RBFOX1: variants seen among roughly 807,000 people sequenced by gnomAD.
RBFOX1 encodes the protein RNA binding protein fox-1 homolog 1.
RBFOX1 carries 8 observed loss-of-function variants against 57.7 expected under a neutral mutation model. The observed-to-expected ratio is 0.14, with a 90% CI of 0.08 to 0.25. RBFOX1 has a LOEUF of 0.25. RBFOX1 is among the 10% of genes least tolerant of loss of function. The pLI is 1.00. For missense variants in RBFOX1, 611 were observed against 548.5 expected, an observed-to-expected ratio of 1.11 and a Z score of -1.14; for synonymous variants, 326 against 222.4, an observed-to-expected ratio of 1.47 and a Z score of -4.15.
At chr16:6,573,292 G>A (rs1345298) in intron 2 of RBFOX1, among the ~76,000 whole-genome samples, 1 of 151,850 alleles carries the variant, frequency 6.6e-6, no homozygotes, top group East Asian at 1.9e-4. Context: ...AGTCTGCCAG[G>A]GGACGCCATA....
Position 7,132,783 on chromosome 16 carries a change from A to T in RBFOX1, c.27+80685A>T, listed in dbSNP as rs116419984. Among the ~76,000 whole-genome samples the T allele has an allele frequency of 3.6e-3, 548 of 152,042 alleles. 7 individuals are homozygous for T. The highest frequency in any genetic ancestry group is 0.012 in the African/African-American group (506 of 41,454). On this transcript the variant is annotated intron_variant, in intron 4 of 15. Coordinates refer to ENST00000550418, the MANE Select transcript of RBFOX1 (RefSeq NM_018723.4). ...TTATATAGCTATTTCAAATACTGAA[A>T]CTCTTAGAAACAGTGGGCTTATCAA...
At chr16:7,102,655 A>G (rs1298241658) in intron 4 of RBFOX1, among the ~76,000 whole-genome samples, 3 of 152,212 alleles carry the variant, frequency 2.0e-5, no homozygotes, top group Admixed American at 6.5e-5. Flanking sequence ...TCTATTTTCA[A>G]CAGTGAACAT....
chr16:6,789,701 T>G (rs2082576346), intron 3 of RBFOX1, among the ~76,000 whole-genome samples: 1 of 152,184 alleles, frequency 6.6e-6, no homozygotes, highest in African/African-American at 2.4e-5. Context: ...TTGTTTCATT[T>G]TCTCCATGTC....
At chr16:6,841,673 C>A (rs1419915191) in intron 3 of RBFOX1, among the ~76,000 whole-genome samples, 3 of 152,040 alleles carry the variant, frequency 2.0e-5, no homozygotes, top group Admixed American at 6.5e-5. Context: ...AGTGCTTTAG[C>A]CCTCTGTGGA....
At chr16:6,491,080 T>C (rs994570249) in intron 2 of RBFOX1, among the ~76,000 whole-genome samples, 2 of 152,078 alleles carry the variant, frequency 1.3e-5, no homozygotes, top group African/African-American at 4.8e-5. Context: ...TAGTATGCAG[T>C]ACTAAAATTT....
intron 3 of RBFOX1, among the ~76,000 whole-genome samples, chr16:6,987,919 G>A (rs146875803): frequency 9.9e-5 from 15 of 152,198 alleles, no homozygotes; most frequent in African/African-American, 3.6e-4. Flanking sequence ...TATGATGGCT[G>A]GAATGAGATC....
chr16:7,579,846 T>G lies in RBFOX1; in HGVS notation c.340T>G (p.Ser114Ala). The G allele has an allele frequency of 6.2e-7, 1 of 1,614,026 alleles. No homozygotes were observed. Among genetic ancestry groups the G allele is most frequent in the Non-Finnish European group, 8.5e-7 (1 of 1,179,964 alleles). ...TQPSENTENKSQPKRLHVSNI... is the reference protein window; with the variant it reads ...TQPSENTENKAQPKRLHVSNI... Reference sequence around the variant, plus strand: ...ACCTTCTGAAAACACGGAAAACAAGTCTCAGCCCAAGCGGCTGCATGTCTC... The same window carrying G: ...ACCTTCTGAAAACACGGAAAACAAGGCTCAGCCCAAGCGGCTGCATGTCTC... Residue 114 changes from serine to alanine, a missense_variant, in exon 6 of 16, where the codon TCT (serine) becomes GCT (alanine). Coordinates refer to ENST00000550418, the MANE Select transcript of RBFOX1 (RefSeq NM_018723.4).
intron 4 of RBFOX1, among the ~76,000 whole-genome samples, chr16:7,246,514 C>G (rs1349256798): frequency 2.0e-5 from 3 of 152,140 alleles, no homozygotes; most frequent in Non-Finnish European, 2.9e-5. Context: ...CAGTCTCTCC[C>G]TTATAACTGT....
At chr16:5,749,981 C>G (rs1261768369) in intron 3 of RBFOX1, among the ~76,000 whole-genome samples, 3 of 152,204 alleles carry the variant, frequency 2.0e-5, no homozygotes, top group Admixed American at 2.0e-4. Context: ...TCTGTTTTTT[C>G]CCCATCTTTG....
At chr16:7,072,160 A>G (rs555061943) in intron 4 of RBFOX1, among the ~76,000 whole-genome samples, 1 of 152,318 alleles carries the variant, frequency 6.6e-6, no homozygotes, top group East Asian at 1.9e-4. Flanking sequence ...TTGTCCTGGT[A>G]TAATTATTAA....
chr16:6,421,807 C>A (rs1259628112), intron 2 of RBFOX1, among the ~76,000 whole-genome samples: 2 of 152,032 alleles, frequency 1.3e-5, no homozygotes, highest in African/African-American at 4.8e-5. Flanking sequence ...ATACCATAAA[C>A]CCAGTCAGAC....
At chr16:6,267,961 A>G (rs1227127371) in intron 1 of RBFOX1, among the ~76,000 whole-genome samples, 1 of 152,196 alleles carries the variant, frequency 6.6e-6, no homozygotes, top group African/African-American at 2.4e-5. Flanking sequence ...ACCCGTTTGA[A>G]GTAATTAACC....
intron 1 of RBFOX1, among the ~76,000 whole-genome samples, chr16:6,248,669 G>T (rs1169896358): frequency 6.6e-6 from 1 of 152,044 alleles, no homozygotes; most frequent in East Asian, 1.9e-4. Flanking sequence ...TTAAAAAGAT[G>T]CATGTGATGG....
At chr16:6,878,075 G>A (rs2062173588) in intron 3 of RBFOX1, among the ~76,000 whole-genome samples, 3 of 152,164 alleles carry the variant, frequency 2.0e-5, no homozygotes, top group African/African-American at 7.2e-5. Flanking sequence ...AGGACAGATA[G>A]AAGAGAGAAT....
chr16:5,469,402 A>G (rs1487606187), intron 2 of RBFOX1, among the ~76,000 whole-genome samples: 1 of 152,180 alleles, frequency 6.6e-6, no homozygotes, highest in East Asian at 1.9e-4. Flanking sequence ...GCAGTTTATA[A>G]CATGCCAGGG....
chr16:7,695,286 A>T (rs1215498814), intron 14 of RBFOX1, among the ~76,000 whole-genome samples: 1 of 152,194 alleles, frequency 6.6e-6, no homozygotes, highest in African/African-American at 2.4e-5. Context: ...ATCTCCCAGC[A>T]AGTTCACCTT....
At chr16:7,529,796 G>C (rs2079561925) in intron 5 of RBFOX1, among the ~76,000 whole-genome samples, 1 of 152,006 alleles carries the variant, frequency 6.6e-6, no homozygotes, top group South Asian at 2.1e-4. Context: ...ATCACTTGAG[G>C]TCAGGAGTTC....
chr16:5,818,677 G>A (rs2055735098), intron 3 of RBFOX1, among the ~76,000 whole-genome samples: 1 of 152,214 alleles, frequency 6.6e-6, no homozygotes, highest in Admixed American at 6.5e-5. Context: ...ATGGGAGGAA[G>A]AAAACAGAGA....
chr16:6,266,379 A>C (rs1047882585), intron 1 of RBFOX1, among the ~76,000 whole-genome samples: 2 of 152,148 alleles, frequency 1.3e-5, no homozygotes, highest in African/African-American at 4.8e-5. Context: ...AAAACCTTCC[A>C]AGTCTCTAGC....
Sources: gnomAD v4.1 joint callset for allele counts (sites outside exome capture counted in the v4.1 genomes callset) on GRCh38, gnomAD v4.1.1 for gene constraint, MANE v1.5 for transcripts, NCBI Gene and HGNC (gene_info 2026-07-23, HGNC 2026-07-21) for gene names.